Variants in UBR1 observed in about 807,000 individuals in gnomAD.
UBR1 encodes the protein E3 ubiquitin-protein ligase UBR1.
Under a neutral mutation model 242.1 loss-of-function variants are expected in UBR1, and 102 were observed. That is an observed-to-expected ratio of 0.42 (90% confidence interval 0.36 to 0.50). UBR1 has a LOEUF of 0.50. Ranked by LOEUF, UBR1 falls within the 20% of genes least tolerant of loss-of-function variation. The probability of loss-of-function intolerance (pLI) is 0.01; values close to 1 mark genes in which losing one functional copy is unlikely to be tolerated. For missense variants in UBR1, 1,772 were observed against 2,101.8 expected (o/e 0.84, Z 3.07); for synonymous variants, 675 against 684.8 (o/e 0.99, Z 0.22).
At chr15:42,974,253 T>C (rs895474426) in intron 39 of UBR1, among the ~76,000 whole-genome samples, 9 of 152,180 alleles carry the variant, frequency 5.9e-5, no homozygotes, top group African/African-American at 2.2e-4. Flanking sequence ...GAATTAATTT[T>C]TGTGAAGGGT....
chr15:43,075,771 A>C (rs559612378), intron 3 of UBR1, among the ~76,000 whole-genome samples: 1 of 151,512 alleles, frequency 6.6e-6, no homozygotes, highest in South Asian at 2.1e-4. Flanking sequence ...ATGCACCACC[A>C]CGCCTGGCTA....
chr15:42,998,282 A>G lies in UBR1; in HGVS notation c.3660-17T>C, dbSNP rs752746119. On this transcript the variant is annotated splice_polypyrimidine_tract_variant and intron_variant, in intron 32 of 46. Coordinates refer to ENST00000290650, the MANE Select transcript of UBR1 (RefSeq NM_174916.3). ...GCATTCTCACTGAAAAATGATATTT[A>G]AAAATTATTACAACCATGGGTACAA... 1 of 1,603,300 alleles carries G rather than the reference A, an allele frequency of 6.2e-7. No individual in the cohort carries two copies. The highest frequency in any genetic ancestry group is 1.1e-5 in the South Asian group (1 of 90,818).
At chr15:43,007,026 T>C in intron 30 of UBR1, 53 bp downstream of exon 30, 2 of 1,565,976 alleles carry the variant, frequency 1.3e-6, no homozygotes, top group East Asian at 4.5e-5. Context: ...TTTCTTTAAT[T>C]ACACAGGCAT....
chr15:43,097,763 G>C (rs2141370598), intron 1 of UBR1, among the ~76,000 whole-genome samples: 1 of 152,328 alleles, frequency 6.6e-6, no homozygotes, highest in South Asian at 2.1e-4. Flanking sequence ...AAGAGAGTGA[G>C]GGCCTTGCTC....
chr15:43,105,354 A>G (rs1246312175), intron 1 of UBR1, among the ~76,000 whole-genome samples: 1 of 152,312 alleles, frequency 6.6e-6, no homozygotes, highest in South Asian at 2.1e-4. Context: ...ACATCAATTA[A>G]TGGTATTGCT....
At chr15:43,087,416 A>T (rs951259202) in intron 1 of UBR1, among the ~76,000 whole-genome samples, 12 of 152,136 alleles carry the variant, frequency 7.9e-5, no homozygotes, top group African/African-American at 2.7e-4. Context: ...AAAAAAAAAT[A>T]AAATAAAATA....
chr15:43,017,194 G>C lies in UBR1; in HGVS notation c.2941-13C>G, dbSNP rs367562778. 6.3e-7 allele frequency: 1 copy of C among 1,597,172 alleles called. No individual in the cohort carries two copies. The highest frequency in any genetic ancestry group is 1.3e-5 in the African/African-American group (1 of 74,664). On this transcript the variant is annotated splice_polypyrimidine_tract_variant and intron_variant, in intron 27 of 46. Coordinates refer to ENST00000290650, the MANE Select transcript of UBR1 (RefSeq NM_174916.3). ...CTGTGTCAAACATCTGTGAAAAACA[G>C]ATGAAACGTTAAAAGAGTTAGTTAG...
chr15:43,049,821 T>C, intron 12 of UBR1, among the ~76,000 whole-genome samples: 1 of 152,184 alleles, frequency 6.6e-6, no homozygotes, highest in Non-Finnish European at 1.5e-5. Flanking sequence ...ACGGCATTCA[T>C]GTTTTGTTGC....
chr15:43,027,594 T>G (rs570136826), intron 22 of UBR1, among the ~76,000 whole-genome samples, 182 bp downstream of exon 22: 2 of 152,242 alleles, frequency 1.3e-5, no homozygotes, highest in East Asian at 3.9e-4. Flanking sequence ...AAACACTCAT[T>G]TTTTCAACAA....
chr15:42,984,469 T>C (rs2032429490), intron 36 of UBR1, among the ~76,000 whole-genome samples: 1 of 152,240 alleles, frequency 6.6e-6, no homozygotes, highest in African/African-American at 2.4e-5. Context: ...CCTACAGTAG[T>C]GTCAGTATCT....
At position 42,983,943 on chromosome 15, in the gene UBR1, G is replaced by C. The variant is rs1250197540; in HGVS notation, c.4104C>G (p.Thr1368=). 7 of 1,613,264 alleles carry C rather than the reference G, an allele frequency of 4.3e-6. No homozygotes were observed. The Admixed American group carries it at 1.0e-4, about 23-fold the overall frequency. The change falls in exon 37 of 47, where the codon ACC becomes ACG. Residue 1368 remains threonine (T), a synonymous_variant. Transcript: ENST00000290650. ...LMQFAVAQRI[T]CPQVLIQKHL... ...GTTTCTGTATCAGGACCTGAGGACA[G>C]GTAATCCTCTGTGCAACTGCAAACT...
intron 21 of UBR1, among the ~76,000 whole-genome samples, chr15:43,028,258 T>C (rs1411136423): frequency 1.3e-5 from 2 of 152,188 alleles, no homozygotes; most frequent in East Asian, 3.8e-4. Context: ...TCTATAGCAA[T>C]ACATGTCTAG....
chr15:43,049,502 G>A (rs1347061694), intron 12 of UBR1, among the ~76,000 whole-genome samples: 3 of 152,160 alleles, frequency 2.0e-5, no homozygotes, highest in African/African-American at 7.2e-5. Flanking sequence ...GGCAGAGCTT[G>A]CAGTGAGCCG....
chr15:43,082,575 G>A (rs2033985488), intron 3 of UBR1, 63 bp downstream of exon 3: 1 of 1,317,202 alleles, frequency 7.6e-7, no homozygotes. Context: ...TACTACTCAA[G>A]AATTTGGACT....
intron 6 of UBR1, among the ~76,000 whole-genome samples, chr15:43,065,360 C>G (rs928465618): frequency 1.3e-5 from 2 of 151,766 alleles, no homozygotes; most frequent in Non-Finnish European, 2.9e-5. Context: ...TCTTCCTTTC[C>G]TTTTTTTCTC....
At chr15:43,043,644 C>T (rs557383625) in intron 14 of UBR1, among the ~76,000 whole-genome samples, 4 of 152,132 alleles carry the variant, frequency 2.6e-5, no homozygotes, top group East Asian at 1.9e-4. Context: ...GCAGGGTCTC[C>T]GCATGTTGGC....
chr15:43,029,639 G>A (rs2033227551), intron 21 of UBR1, among the ~76,000 whole-genome samples: 1 of 152,146 alleles, frequency 6.6e-6, no homozygotes, highest in Non-Finnish European at 1.5e-5. Context: ...AAATCTTAAT[G>A]TTTTGTCACA....
chr15:42,954,886 C>T (rs935358670), intron 44 of UBR1, among the ~76,000 whole-genome samples: 3 of 151,886 alleles, frequency 2.0e-5, no homozygotes, highest in Admixed American at 6.6e-5. Flanking sequence ...AACCTTAAAC[C>T]GGCCAGGTGC....
intron 17 of UBR1, among the ~76,000 whole-genome samples, chr15:43,036,881 A>T (rs1366108468): frequency 6.6e-6 from 1 of 151,924 alleles, no homozygotes; most frequent in African/African-American, 2.4e-5. Flanking sequence ...CTTCAATAAA[A>T]GTAAACCAAT....
Sources: allele counts gnomAD v4.1 joint callset (sites outside exome capture counted in the v4.1 genomes callset), GRCh38; gene constraint gnomAD v4.1.1; transcripts MANE v1.5; gene names NCBI Gene and HGNC (gene_info 2026-07-23, HGNC 2026-07-21).